Variants in WDR70 observed in about 807,000 individuals in gnomAD.
WDR70 encodes WD repeat-containing protein 70.
In WDR70, 53 loss-of-function variants were observed where a neutral mutation model predicts 88.6. The observed-to-expected ratio is 0.60, with a 90% CI of 0.48 to 0.75. The LOEUF (loss-of-function observed/expected upper bound fraction) is 0.75. WDR70 is among the 30% of genes least tolerant of loss of function. The probability of loss-of-function intolerance (pLI) is 0.00; values close to 1 mark genes in which losing one functional copy is unlikely to be tolerated. For missense variants in WDR70, 610 were observed against 823.2 expected (o/e 0.74, Z 3.17); for synonymous variants, 280 against 270.0 (o/e 1.04, Z -0.36).
intron 10 of WDR70, among the ~76,000 whole-genome samples, chr5:37,615,650 C>T (rs1274262040): frequency 2.6e-5 from 4 of 152,202 alleles, no homozygotes; most frequent in African/African-American, 9.7e-5. Context: ...TCCAGACATA[C>T]ATTCAGCTAC....
chr5:37,675,402 A>AT (rs1746172513), intron 10 of WDR70, among the ~76,000 whole-genome samples: 1 of 152,000 alleles, frequency 6.6e-6, no homozygotes, highest in Non-Finnish European at 1.5e-5. Context: ...TCTTGAATTA[A>AT]TTTTTGTATA....
rs572815039 is a variant in WDR70 at position 37,736,254 on chromosome 5, C to T, written c.1877+9209C>T. The stretch of plus-strand genomic sequence containing the variant: ...CTGTCAACCACGTCACTTTTCTTGC[C>T]AGATAGGCTGCCATTATTTGCTGGT... On this transcript the variant is annotated intron_variant, in intron 17 of 17. Coordinates refer to ENST00000265107, the MANE Select transcript of WDR70 (RefSeq NM_018034.4). Among the ~76,000 whole-genome samples, 6 of 152,292 alleles carry T rather than the reference C, an allele frequency of 3.9e-5. No individual in the cohort carries two copies. In the East Asian group the frequency reaches 1.2e-3, roughly 29 times the overall value.
intron 2 of WDR70, 81 bp from the exon 3 acceptor site, chr5:37,381,521 T>A (rs1748423454): frequency 9.2e-7 from 1 of 1,081,762 alleles, no homozygotes; most frequent in South Asian, 1.2e-5. Flanking sequence ...AAAGTAAGTG[T>A]TTATTGATCA....
chr5:37,699,331 T>TACACACAC (rs67566263), intron 11 of WDR70, among the ~76,000 whole-genome samples: 1 of 141,592 alleles, frequency 7.1e-6, no homozygotes, highest in Admixed American at 7.1e-5. Flanking sequence ...CTTTCCATCA[T>TACACACAC]ACACACACAC....
chr5:37,586,623 A>C (rs1399331574), intron 9 of WDR70, among the ~76,000 whole-genome samples: 1 of 151,004 alleles, frequency 6.6e-6, no homozygotes, highest in Non-Finnish European at 1.5e-5. Context: ...ATGTGTTCTC[A>C]TTGTTCAACT....
intron 10 of WDR70, chr5:37,687,813 C>A: frequency 2.1e-6 from 1 of 478,612 alleles, no homozygotes; most frequent in South Asian, 4.2e-5. Flanking sequence ...ATATGTCTTT[C>A]TACCTTAGAA....
chr5:37,510,138 A>C (rs1427150314), intron 8 of WDR70, among the ~76,000 whole-genome samples: 4 of 152,126 alleles, frequency 2.6e-5, no homozygotes, highest in Non-Finnish European at 5.9e-5. Flanking sequence ...AAACTTAAAG[A>C]ATAGCTGTAA....
chr5:37,381,137 A>G (rs1748412291), intron 2 of WDR70, among the ~76,000 whole-genome samples: 1 of 152,148 alleles, frequency 6.6e-6, no homozygotes, highest in Admixed American at 6.6e-5. Context: ...AAGTACCTGC[A>G]TTACTTCTCA....
chr5:37,690,453 A>G (rs1224711741), intron 10 of WDR70, among the ~76,000 whole-genome samples: 2 of 152,220 alleles, frequency 1.3e-5, no homozygotes, highest in Non-Finnish European at 2.9e-5. Flanking sequence ...TAAGGGCAGC[A>G]AGAAAGAAAG....
At chr5:37,564,553 ACC>A (rs533176623) in intron 9 of WDR70, among the ~76,000 whole-genome samples, 3 of 107,008 alleles carry the variant, frequency 2.8e-5, no homozygotes, top group Admixed American at 2.1e-4. Context: ...GGAGAGGGAG[ACC>A]GTGGGGAGAG....
intron 8 of WDR70, among the ~76,000 whole-genome samples, chr5:37,510,869 T>C (rs1740702255): frequency 6.6e-6 from 1 of 152,224 alleles, no homozygotes; most frequent in Admixed American, 6.5e-5. Flanking sequence ...TTTTACCTCA[T>C]AGTTTGAATT....
chr5:37,672,140 A>T lies in WDR70; in HGVS notation c.1093-25515A>T, dbSNP rs1404823269. 2.0e-5 allele frequency among the ~76,000 whole-genome samples: 3 copies of T among 152,138 alleles called. No individual in the cohort carries two copies. The East Asian group carries it at 5.8e-4, about 29-fold the overall frequency. On this transcript the variant is annotated intron_variant, in intron 10 of 17. Coordinates refer to ENST00000265107, the MANE Select transcript of WDR70 (RefSeq NM_018034.4). ...ACAGGCAGTATGCTTGGTAAAAGTC[A>T]TTGCCATTCTCCATTCTCAATTAAC...
At chr5:37,534,819 C>T (rs1741614236) in intron 9 of WDR70, among the ~76,000 whole-genome samples, 1 of 152,140 alleles carries the variant, frequency 6.6e-6, no homozygotes, top group African/African-American at 2.4e-5. Flanking sequence ...GTGTGAGGAT[C>T]AGGAATCTTT....
chr5:37,608,844 C>G (rs112402511), intron 10 of WDR70, among the ~76,000 whole-genome samples: 24 of 152,330 alleles, frequency 1.6e-4, no homozygotes, highest in African/African-American at 5.5e-4. Flanking sequence ...CAGGCGTGAG[C>G]CACTGCACCT....
intron 17 of WDR70, among the ~76,000 whole-genome samples, chr5:37,749,836 A>AAAAC (rs1554016852): frequency 4.0e-5 from 6 of 151,482 alleles, no homozygotes; most frequent in African/African-American, 1.5e-4. Flanking sequence ...AGGTGAAAAA[A>AAAAC]AAAACCAAAA....
At chr5:37,653,146 T>C (rs766171518) in intron 10 of WDR70, among the ~76,000 whole-genome samples, 1 of 152,230 alleles carries the variant, frequency 6.6e-6, no homozygotes, top group Non-Finnish European at 1.5e-5. Flanking sequence ...GTTTTTAGCA[T>C]GAAAGGGTGT....
chr5:37,612,895 A>G (rs996536034), intron 10 of WDR70, among the ~76,000 whole-genome samples: 12 of 152,224 alleles, frequency 7.9e-5, no homozygotes, highest in Admixed American at 3.9e-4. Flanking sequence ...TAGTGCTTTA[A>G]CATGCCTATT....
At chr5:37,616,817 C>G (rs1297231539) in intron 10 of WDR70, among the ~76,000 whole-genome samples, 2 of 152,090 alleles carry the variant, frequency 1.3e-5, no homozygotes, top group Admixed American at 1.3e-4. Flanking sequence ...TGAATGAATG[C>G]TATCAGAGCA....
intron 17 of WDR70, 106 bp downstream of exon 17, chr5:37,727,151 AC>A: frequency 3.6e-6 from 5 of 1,390,118 alleles, no homozygotes; most frequent in Non-Finnish European, 4.8e-6. Flanking sequence ...CTTATTTCAT[AC>A]TTAGATATGA....
Sources: gnomAD v4.1 joint callset for allele counts (sites outside exome capture counted in the v4.1 genomes callset) on GRCh38, gnomAD v4.1.1 for gene constraint, MANE v1.5 for transcripts, NCBI Gene and HGNC (gene_info 2026-07-23, HGNC 2026-07-21) for gene names.